The following JAK1 variants were observed in gnomAD, a reference collection of about 807,000 sequenced individuals.
JAK1 encodes tyrosine-protein kinase JAK1.
JAK1 carries 16 observed loss-of-function variants against 136.6 expected under a neutral mutation model. That is an observed-to-expected ratio of 0.12 (90% CI 0.08 to 0.18). JAK1 has a LOEUF of 0.18. Among genes scored for constraint, JAK1 ranks in the 10% least tolerant of loss-of-function variants. The pLI, the probability that JAK1 is intolerant of heterozygous loss-of-function variation, is 1.00. For synonymous variants in JAK1, 492 were observed against 519.5 expected (o/e 0.95, Z 0.72); for missense variants, 859 against 1,450.1 (o/e 0.59, Z 6.62).
chr1:64,977,371 C>T (rs1418460688), intron 2 of JAK1, among the ~76,000 whole-genome samples: 2 of 151,638 alleles, frequency 1.3e-5, no homozygotes, highest in Non-Finnish European at 2.9e-5. Context: ...AGGCTGGTCT[C>T]GAACCCCTGG....
intron 1 of JAK1, among the ~76,000 whole-genome samples, chr1:64,897,746 C>T (rs1645045569): frequency 8.9e-6 from 1 of 112,124 alleles, no homozygotes; most frequent in African/African-American, 2.9e-5. Flanking sequence ...GAATGCAGAT[C>T]CCCAGATTCA....
chr1:64,977,863 G>C (rs78089317), intron 2 of JAK1, among the ~76,000 whole-genome samples: 1,826 of 148,834 alleles, frequency 0.012, 39 homozygotes, highest in African/African-American at 0.045. Context: ...GTGGGATCTT[G>C]AGCAAGATAC....
intron 1 of JAK1, among the ~76,000 whole-genome samples, chr1:64,937,711 GT>G (rs1166245845): frequency 1.3e-5 from 2 of 152,108 alleles, no homozygotes; most frequent in Non-Finnish European, 2.9e-5. Context: ...CATTATTTCA[GT>G]TTTTCAGACA....
chr1:64,967,479 G>C (rs1265695556), upstream of JAK1, among the ~76,000 whole-genome samples: 1 of 152,126 alleles, frequency 6.6e-6, no homozygotes, highest in African/African-American at 2.4e-5. Flanking sequence ...AAACACTCCA[G>C]CGACTTCCCC....
chr1:65,039,099 T>C (rs1647104768), intron 2 of JAK1, among the ~76,000 whole-genome samples: 2 of 152,194 alleles, frequency 1.3e-5, no homozygotes, highest in African/African-American at 4.8e-5. Context: ...ACCCAGCCAG[T>C]ACACACACAC....
At chr1:65,042,605 C>T (rs892744807) in intron 2 of JAK1, among the ~76,000 whole-genome samples, 10 of 152,192 alleles carry the variant, frequency 6.6e-5, no homozygotes, top group African/African-American at 2.4e-4. Flanking sequence ...TTATAACAAC[C>T]TTATGGAATA....
At chr1:65,050,199 GAC>G (rs1371006157) in intron 1 of JAK1, among the ~76,000 whole-genome samples, 10 of 152,276 alleles carry the variant, frequency 6.6e-5, no homozygotes, top group Admixed American at 3.9e-4. Flanking sequence ...GCTTATGCCA[GAC>G]ACTGCAAACA....
chr1:64,916,840 C>CAA (rs34248076), intron 1 of JAK1, among the ~76,000 whole-genome samples: 12 of 120,968 alleles, frequency 9.9e-5, no homozygotes, highest in Admixed American at 2.5e-4. Context: ...GACCCTTTCT[C>CAA]AAAAAAAAAA....
chr1:65,030,958 C>A (rs9436706), intron 2 of JAK1, among the ~76,000 whole-genome samples: 152,098 of 152,100 alleles, frequency 1, 76,048 homozygotes, highest in Non-Finnish European at 1. Flanking sequence ...GTTTAAGACC[C>A]CCCTAGACAA....
At chr1:64,839,145 CAAA>C (rs56058898) in intron 20 of JAK1, among the ~76,000 whole-genome samples, 6 of 59,868 alleles carry the variant, frequency 1.0e-4, no homozygotes, top group South Asian at 6.1e-4. Flanking sequence ...GACTCCGTCT[CAAA>C]AAAAAAAAAA....
At chr1:64,837,015 C>T (rs967577804) in intron 22 of JAK1, among the ~76,000 whole-genome samples, 9 of 152,312 alleles carry the variant, frequency 5.9e-5, no homozygotes, top group South Asian at 4.1e-4. Flanking sequence ...CCTGGGAAAT[C>T]GACTGCTCTT....
chr1:65,028,481 AAGGGAGGGAGGGAGGG>A (rs55960932), intron 2 of JAK1, among the ~76,000 whole-genome samples: 21 of 122,164 alleles, frequency 1.7e-4, no homozygotes, highest in African/African-American at 6.3e-4. Flanking sequence ...GAAAGGAAGG[AAGGGAGGGAGGGAGGG>A]AGGGAGGGAG....
chr1:64,850,992 G>T, intron 11 of JAK1, 82 bp from the exon 12 acceptor site: 1 of 909,386 alleles, frequency 1.1e-6, no homozygotes, highest in Non-Finnish European at 1.8e-6. Flanking sequence ...AGCCGGGGCC[G>T]TGGGACCGGT....
At chr1:64,911,199 T>C (rs1240935702) in intron 1 of JAK1, among the ~76,000 whole-genome samples, 1 of 152,166 alleles carries the variant, frequency 6.6e-6, no homozygotes, top group Non-Finnish European at 1.5e-5. Context: ...GGTGAGGGAT[T>C]TGGGGCCACA....
chr1:65,042,373 A>C (rs1354642842), intron 2 of JAK1, among the ~76,000 whole-genome samples: 1 of 151,530 alleles, frequency 6.6e-6, no homozygotes, highest in East Asian at 1.9e-4. Flanking sequence ...TCATTTTCTT[A>C]GTCTTAGTTA....
intron 1 of JAK1, among the ~76,000 whole-genome samples, chr1:64,962,125 C>T (rs1307437950): frequency 6.6e-6 from 1 of 152,154 alleles, no homozygotes; most frequent in South Asian, 2.1e-4. Flanking sequence ...ACTGAACATG[C>T]CCTCAGGGTC....
At chr1:64,848,058 T>G (rs1655353200) in intron 12 of JAK1, 1 of 186,004 alleles carries the variant, frequency 5.4e-6, no homozygotes, top group Non-Finnish European at 1.1e-5. Context: ...CCCAGGCAGC[T>G]CCTCTACTCA....
Position 65,062,855 on chromosome 1 carries a change from C to T in JAK1, c.-181+4749G>A, listed in dbSNP as rs147884249. ...TTGATTGATTGATTAATTGATGAACCTCTCCATTTCTCAGGGAGCCTCTAA... is the reference window on the plus strand; with the variant it reads ...TTGATTGATTGATTAATTGATGAACTTCTCCATTTCTCAGGGAGCCTCTAA... On this transcript the variant is annotated intron_variant, in intron 1 of 25. Coordinates refer to the JAK1 transcript ENST00000671954. Among the ~76,000 whole-genome samples, 5 of 152,338 alleles carry T rather than the reference C, an allele frequency of 3.3e-5. No homozygotes were observed. In the East Asian group the frequency reaches 9.6e-4, roughly 29 times the overall value.
At chr1:65,000,588 A>G (rs1646746552) in intron 2 of JAK1, among the ~76,000 whole-genome samples, 1 of 152,160 alleles carries the variant, frequency 6.6e-6, no homozygotes, top group Admixed American at 6.6e-5. Flanking sequence ...GTTATTCAAT[A>G]GGGCTTTGGT....
Sources: allele counts gnomAD v4.1 joint callset (sites outside exome capture counted in the v4.1 genomes callset), GRCh38; gene constraint gnomAD v4.1.1; transcripts MANE v1.5; gene names NCBI Gene and HGNC (gene_info 2026-07-23, HGNC 2026-07-21).